ERC2: variants seen among roughly 807,000 people sequenced by gnomAD.
ERC2 encodes ERC protein 2.
In ERC2, 42 loss-of-function variants were observed where a neutral mutation model predicts 114.8. The observed-to-expected ratio is 0.37, with a 90% CI of 0.29 to 0.47. The LOEUF (loss-of-function observed/expected upper bound fraction) is 0.47. Among genes scored for constraint, ERC2 ranks in the 20% least tolerant of loss-of-function variants. The pLI, the probability that ERC2 is intolerant of heterozygous loss-of-function variation, is 0.99. For missense variants in ERC2, 939 were observed against 1,150.7 expected (o/e 0.82, Z 2.66); for synonymous variants, 454 against 425.5 (o/e 1.07, Z -0.82).
At chr3:55,600,897 G>A (rs749500555) in intron 17 of ERC2, among the ~76,000 whole-genome samples, 3 of 152,234 alleles carry the variant, frequency 2.0e-5, no homozygotes, top group African/African-American at 7.2e-5. Context: ...TGCTGATGTC[G>A]CTCCTACTGG....
At chr3:55,524,266 G>A (rs1408103663) in intron 17 of ERC2, among the ~76,000 whole-genome samples, 2 of 152,176 alleles carry the variant, frequency 1.3e-5, no homozygotes, top group Non-Finnish European at 2.9e-5. Context: ...TTCATGCCCA[G>A]GTTATGTATG....
intron 14 of ERC2, among the ~76,000 whole-genome samples, chr3:55,833,730 T>A (rs112674564): frequency 0.16 from 24,784 of 152,014 alleles, 2,249 homozygotes; most frequent in East Asian, 0.23. Context: ...GCTAACATCA[T>A]AATGACAGGA....
chr3:55,976,892 G>A (rs900332698), intron 12 of ERC2, among the ~76,000 whole-genome samples: 1 of 152,194 alleles, frequency 6.6e-6, no homozygotes, highest in African/African-American at 2.4e-5. Context: ...CCTCCAAAGT[G>A]ATCGTATGAG....
At chr3:56,117,373 C>T (rs768591678) in intron 6 of ERC2, among the ~76,000 whole-genome samples, 11 of 152,196 alleles carry the variant, frequency 7.2e-5, no homozygotes, top group Non-Finnish European at 1.5e-4. Flanking sequence ...ATGAATTTTA[C>T]ATAATCCTCC....
intron 6 of ERC2, among the ~76,000 whole-genome samples, chr3:56,111,005 G>A (rs943981496): frequency 6.6e-6 from 1 of 152,046 alleles, no homozygotes; most frequent in Admixed American, 6.6e-5. Flanking sequence ...TTTCAAGGGG[G>A]TGGGGGTAGG....
At chr3:56,293,149 C>G (rs528568359) in intron 3 of ERC2, among the ~76,000 whole-genome samples, 13 of 152,328 alleles carry the variant, frequency 8.5e-5, no homozygotes, top group African/African-American at 2.9e-4. Flanking sequence ...TGAGATGATT[C>G]AGTGTGAATC....
intron 2 of ERC2, among the ~76,000 whole-genome samples, chr3:56,308,565 G>A: frequency 6.6e-6 from 1 of 152,122 alleles, no homozygotes; most frequent in East Asian, 1.9e-4. Flanking sequence ...TATTTAAATA[G>A]GGAATAGCCA....
intron 13 of ERC2, among the ~76,000 whole-genome samples, chr3:55,920,442 A>AC (rs1170659261): frequency 5.3e-5 from 8 of 150,258 alleles, no homozygotes; most frequent in African/African-American, 2.0e-4. Context: ...ACACACACAC[A>AC]CACACCCCAA....
rs533427408 is a variant in ERC2 at position 55,758,638 on chromosome 3, G to T, written c.2565-23720C>A. On this transcript the variant is annotated intron_variant, in intron 14 of 17. Coordinates refer to ENST00000288221, the MANE Select transcript of ERC2 (RefSeq NM_015576.3). ...GACATCGCTAGCCTACACGCCAAGG[G>T]CTGGCGTTCAGACAAGGTGGGTCAT... Among the ~76,000 whole-genome samples, 13 of 152,322 alleles carry T rather than the reference G, an allele frequency of 8.5e-5. No individual in the cohort carries two copies. The South Asian group carries it at 2.7e-3, about 32-fold the overall frequency.
chr3:56,455,501 A>G (rs1157957609), intron 1 of ERC2, among the ~76,000 whole-genome samples: 2 of 152,176 alleles, frequency 1.3e-5, no homozygotes, highest in Non-Finnish European at 2.9e-5. Flanking sequence ...CCAAGTAACT[A>G]TTTGTCTCAG....
intron 3 of ERC2, among the ~76,000 whole-genome samples, chr3:56,231,445 T>G (rs1354252511): frequency 6.6e-6 from 1 of 152,220 alleles, no homozygotes; most frequent in African/African-American, 2.4e-5. Flanking sequence ...ACACATTATC[T>G]GAGACCTGGC....
chr3:55,916,736 T>G (rs1239725922), intron 13 of ERC2, among the ~76,000 whole-genome samples: 1 of 152,288 alleles, frequency 6.6e-6, no homozygotes, highest in East Asian at 1.9e-4. Context: ...CCACACTGTA[T>G]ATAATATGGC....
At chr3:55,745,347 G>C (rs954182077) in intron 14 of ERC2, among the ~76,000 whole-genome samples, 11 of 152,170 alleles carry the variant, frequency 7.2e-5, no homozygotes, top group African/African-American at 2.7e-4. Context: ...GTTCTGAAAG[G>C]CGACTTTTAA....
chr3:55,803,036 T>C (rs888056302), intron 14 of ERC2, among the ~76,000 whole-genome samples: 3 of 152,180 alleles, frequency 2.0e-5, no homozygotes, highest in Admixed American at 6.6e-5. Context: ...CTGAACTCCA[T>C]TGTTCTGAAG....
At chr3:55,778,217 C>T (rs2149044042) in intron 14 of ERC2, among the ~76,000 whole-genome samples, 1 of 152,210 alleles carries the variant, frequency 6.6e-6, no homozygotes, top group East Asian at 1.9e-4. Flanking sequence ...TGGAAAAATG[C>T]AGGTGTTCCT....
At chr3:56,202,817 A>G (rs1162496147) in intron 3 of ERC2, among the ~76,000 whole-genome samples, 3 of 152,202 alleles carry the variant, frequency 2.0e-5, no homozygotes, top group African/African-American at 4.8e-5. Context: ...ATTGTACAGC[A>G]TAGTGACTAC....
At chr3:56,010,365 A>G (rs2072822677) in intron 9 of ERC2, 84 bp downstream of exon 9, 1 of 1,475,312 alleles carries the variant, frequency 6.8e-7, no homozygotes, top group Non-Finnish European at 9.2e-7. Flanking sequence ...AGTGCCTCCT[A>G]CTAAGTCTCT....
intron 14 of ERC2, among the ~76,000 whole-genome samples, chr3:55,835,153 A>C (rs2060812964): frequency 6.6e-6 from 1 of 152,174 alleles, no homozygotes; most frequent in Non-Finnish European, 1.5e-5. Context: ...ATGGATTCAC[A>C]GCCGAATTCT....
chr3:56,259,043 G>A (rs1431582170), intron 3 of ERC2, among the ~76,000 whole-genome samples: 4 of 148,618 alleles, frequency 2.7e-5, no homozygotes, highest in Non-Finnish European at 5.9e-5. Flanking sequence ...GCATGATCTC[G>A]GCTCACAGCA....
Sources: gnomAD v4.1 joint callset for allele counts (sites outside exome capture counted in the v4.1 genomes callset) on GRCh38, gnomAD v4.1.1 for gene constraint, MANE v1.5 for transcripts, NCBI Gene and HGNC (gene_info 2026-07-23, HGNC 2026-07-21) for gene names.